Variants in UBR4 observed in about 807,000 individuals in gnomAD.
UBR4 encodes the protein E3 ubiquitin-protein ligase UBR4.
A neutral mutation model predicts 575.6 loss-of-function variants in UBR4; 124 were observed. The observed-to-expected ratio is 0.22, with a 90% CI of 0.19 to 0.25. The LOEUF is 0.25. Among genes scored for constraint, UBR4 ranks in the 10% least tolerant of loss-of-function variants. The pLI is 1.00. For synonymous variants in UBR4, 2,455 were observed against 2,473.7 expected, an observed-to-expected ratio of 0.99 and a Z score of 0.22; for missense variants, 4,818 against 6,478.8, an observed-to-expected ratio of 0.74 and a Z score of 8.80.
chr1:19,118,726 C>T (rs2080860293), intron 71 of UBR4, 146 bp downstream of exon 71: 4 of 738,614 alleles, frequency 5.4e-6, no homozygotes, highest in Non-Finnish European at 6.8e-6. Flanking sequence ...CCCTGGCCTA[C>T]ATGGAGGGGA....
intron 84 of UBR4, 88 bp from the exon 85 acceptor site, chr1:19,105,277 C>T (rs2079060661): frequency 1.0e-5 from 15 of 1,449,642 alleles, no homozygotes; most frequent in Non-Finnish European, 1.4e-5. Flanking sequence ...CCAATCTTTC[C>T]TATCTTCTGC....
chr1:19,078,157 C>G (rs1570096924), intron 103 of UBR4, 91 bp from the exon 104 acceptor site: 34 of 1,346,790 alleles, frequency 2.5e-5, no homozygotes, highest in Non-Finnish European at 3.5e-5. Context: ...AGGGAAGAGT[C>G]ACAGTGGTGT....
Position 19,141,378 on chromosome 1 carries a change from G to C in UBR4, c.8457C>G (p.Ala2819=), listed in dbSNP as rs151142373. The change falls in exon 57 of 106, where the codon GCC becomes GCG. Residue 2819 remains alanine, a synonymous_variant. Coordinates refer to ENST00000375254, the MANE Select transcript of UBR4 (RefSeq NM_020765.3). ...DADDETMVEL[A]IALSLQQDQQ... is the part of the protein sequence containing the mutation. ...GGTCCTGCTGCAGGCTCAGGGCAAT[G>C]GCTAGTTCAACCATGGTCTCGTCAT... 10 of 1,614,236 alleles carry C rather than the reference G, an allele frequency of 6.2e-6. No homozygotes were observed. The highest frequency in any genetic ancestry group is 8.5e-6 in the Non-Finnish European group (10 of 1,180,052).
Position 19,126,746 on chromosome 1 carries a change from A to C in UBR4, c.9229-91T>G. On this transcript the variant is annotated intron_variant, in intron 63 of 105. Transcript: ENST00000375254. ...GGTGTTGGGGATGGGAAACACACTC[A>C]CAACAGTCTTAGCTTTTATGGCAGT... is the stretch of plus-strand genomic sequence containing the variant. The C allele has an allele frequency of 6.0e-6, 8 of 1,335,476 alleles. No homozygotes were observed. In the East Asian group the frequency reaches 1.9e-4, roughly 31 times the overall value. 82.7% of individuals were successfully genotyped at this position (1,335,476 alleles called of 1,614,324 possible). A position where few individuals can be genotyped will look rare whatever the true frequency, so the allele number is the denominator to read the frequency against.
rs1191686996 is a variant in UBR4 at position 19,089,019 on chromosome 1, T to C, written c.14212-42A>G. On this transcript the variant is annotated intron_variant, in intron 97 of 105. Transcript: ENST00000375254. This position sits in a 1 kb window ranked among gnomAD's most constrained non-coding sequence, Gnocchi z 4.3. Reference sequence around the variant, plus strand: ...AGAGAGACACATGCCTCCAATTATGTAGACAAACCTTCTTCCCGGGAGCTT... The same window carrying C: ...AGAGAGACACATGCCTCCAATTATGCAGACAAACCTTCTTCCCGGGAGCTT... 1.3e-6 allele frequency: 2 copies of C among 1,593,562 alleles called. No homozygotes were observed. The highest frequency in any genetic ancestry group is 8.6e-7 in the Non-Finnish European group (1 of 1,164,522).
chr1:19,197,543 T>C, intron 7 of UBR4, 127 bp downstream of exon 7: 1 of 1,353,746 alleles, frequency 7.4e-7, no homozygotes, highest in Non-Finnish European at 1.0e-6. Context: ...GTGGGAGAAC[T>C]GCTTGAACCA....
At chr1:19,198,967 CA>C in intron 3 of UBR4, 39 bp from the exon 4 acceptor site, 1 of 1,599,484 alleles carries the variant, frequency 6.3e-7, no homozygotes, top group Non-Finnish European at 8.5e-7. Context: ...AAAACAAAAA[CA>C]AATAGATCTT....
chr1:19,151,710 T>C lies in UBR4; in HGVS notation c.7146A>G (p.Ser2382=), dbSNP rs2085743248. The change falls in exon 48 of 106, where the codon TCA becomes TCG. Residue 2382 remains serine (S), a synonymous_variant. Coordinates refer to ENST00000375254, the MANE Select transcript of UBR4 (RefSeq NM_020765.3). ...GRTMQLNLSR[S]RWFDFPFTRE... is the part of the protein sequence containing the mutation. ...TGGTGAAGGGGAAGTCAAACCAGCG[T>C]GAGCGACTCAGGTTGAGCTGCATAG... 2.5e-6 allele frequency: 4 copies of C among 1,614,082 alleles called. No homozygotes were observed. In the African/African-American group the frequency reaches 4.0e-5, roughly 16 times the overall value.
Position 19,076,778 on chromosome 1 carries a change from A to G in UBR4, c.15449T>C (p.Met5150Thr). 1 of 1,614,148 alleles carries G rather than the reference A, an allele frequency of 6.2e-7. No homozygotes were observed. The highest frequency in any genetic ancestry group is 1.1e-5 in the South Asian group (1 of 91,084). ...KALKTFQEEF[M>T]PVETFSEFLD... ...GAACTCTGAGAAGGTCTCCACTGGC[A>G]TGAACTCCTCCTGGAAGGTTTTCAG... is the stretch of plus-strand genomic sequence containing the variant. The change falls in exon 105 of 106, where the codon ATG becomes ACG. Residue 5150 changes from methionine (M) to threonine (T), a missense_variant. Transcript: ENST00000375254.
rs1409280751 is a variant in UBR4 at position 19,152,813 on chromosome 1, C to T, written c.6833-337G>A. ...GAATAAACCATTCTTTCAAAATAGA[C>T]TGTAGAGCAAATTTAAGGTAATGTG... On this transcript the variant is annotated intron_variant, in intron 46 of 105. Transcript: ENST00000375254. The surrounding 1 kb of genome is among the most constrained non-coding windows in gnomAD (Gnocchi z 4.4). Among the ~76,000 whole-genome samples the T allele has an allele frequency of 6.6e-6, 1 of 152,172 alleles. No homozygotes were observed. Among genetic ancestry groups the T allele is most frequent in the African/African-American group, 2.4e-5 (1 of 41,438 alleles).
intron 74 of UBR4, 62 bp from the exon 75 acceptor site, chr1:19,115,011 T>C (rs1336592162): frequency 6.2e-7 from 1 of 1,604,354 alleles, no homozygotes; most frequent in African/African-American, 1.3e-5. Flanking sequence ...GGGGTCACTC[T>C]GAGGAAATGG....
At chr1:19,200,399 A>C (rs1241026157) in intron 2 of UBR4, among the ~76,000 whole-genome samples, 1 of 152,130 alleles carries the variant, frequency 6.6e-6, no homozygotes. Context: ...AGACAATACT[A>C]CTATTGTAGT....
chr1:19,087,748 G>T lies in UBR4; in HGVS notation c.14544+68C>A, dbSNP rs1160175514. The T allele has an allele frequency of 7.7e-6, 10 of 1,305,728 alleles. No homozygotes were observed. In the Admixed American group the frequency reaches 1.4e-4, roughly 18 times the overall value. The allele number at this position is 1,305,728 out of a possible 1,614,324, so 80.9% of individuals were successfully genotyped here. A position where few individuals can be genotyped will look rare whatever the true frequency, so the allele number is the denominator to read the frequency against. The stretch of plus-strand genomic sequence containing the variant: ...CTAAGAACAAAATGGCCTGGAGGAG[G>T]GGGATGCTACCTAGAACAAGGGGTC... On this transcript the variant is annotated intron_variant, in intron 99 of 105. Transcript: ENST00000375254.
At position 19,105,134 on chromosome 1, in the gene UBR4, A is replaced by G; in HGVS notation, c.12559T>C (p.Tyr4187His). 1 of 1,614,136 alleles carries G rather than the reference A, an allele frequency of 6.2e-7. No individual in the cohort carries two copies. The highest frequency in any genetic ancestry group is 8.5e-7 in the Non-Finnish European group (1 of 1,180,006). The change falls in exon 85 of 106, where the codon TAC becomes CAC. Residue 4187 changes from tyrosine to histidine, a missense_variant. By Grantham distance (83) the Tyr-to-His change is moderately conservative (BLOSUM62 2). Coordinates refer to ENST00000375254, the MANE Select transcript of UBR4 (RefSeq NM_020765.3). ...GECAAEYLAL[Y>H]QKLITSAHWK... ...TGCGCAGAAGTGATGAGCTTCTGGTAGAGAGCCAGGTACTCAGCTGCACAC... is the reference window on the plus strand; with the variant it reads ...TGCGCAGAAGTGATGAGCTTCTGGTGGAGAGCCAGGTACTCAGCTGCACAC...
intron 48 of UBR4, chr1:19,151,003 C>T (rs747404474): frequency 2.3e-5 from 14 of 595,988 alleles, no homozygotes; most frequent in Admixed American, 6.0e-5. Flanking sequence ...AAGCCGATTA[C>T]GTCTCCTACT....
chr1:19,165,269 A>T lies in UBR4; in HGVS notation c.4292T>A (p.Phe1431Tyr). The T allele has an allele frequency of 6.2e-7, 1 of 1,614,208 alleles. No homozygotes were observed. The highest frequency in any genetic ancestry group is 1.1e-5 in the South Asian group (1 of 91,090). ...CTCACTCAGCTGGAAGAGTTTGGTGAAGAATTTCAAAACTCGGTTACAGAA... is the reference window on the plus strand; with the variant it reads ...CTCACTCAGCTGGAAGAGTTTGGTGTAGAATTTCAAAACTCGGTTACAGAA... The part of the protein sequence containing the change: ...AKFCNRVLKF[F>Y]TKLFQLTEKS... The change falls in exon 31 of 106, where the codon TTC becomes TAC. Residue 1431 changes from phenylalanine (F) to tyrosine (Y), a missense_variant. Physicochemically the swap from Phe to Tyr is conservative, Grantham distance 22 (BLOSUM62 3). Coordinates refer to ENST00000375254, the MANE Select transcript of UBR4 (RefSeq NM_020765.3).
At position 19,112,585 on chromosome 1, in the gene UBR4, G is replaced by A; in HGVS notation, c.11740C>T (p.Leu3914Phe). ...CGCATGGCCGCAGCCCCTCGGCGAAGATTATAATCAAAGAGCTCCCGGATA... is the reference window on the plus strand; with the variant it reads ...CGCATGGCCGCAGCCCCTCGGCGAAAATTATAATCAAAGAGCTCCCGGATA... ...GLIRELFDYN[L>F]RRGAAAMREE... Residue 3914 changes from leucine to phenylalanine, a missense_variant, in exon 78 of 106, where the codon CTT becomes TTT. Coordinates refer to ENST00000375254, the MANE Select transcript of UBR4 (RefSeq NM_020765.3). 1.2e-6 allele frequency: 2 copies of A among 1,614,246 alleles called. No individual in the cohort carries two copies. Among genetic ancestry groups the A allele is most frequent in the Non-Finnish European group, 1.7e-6 (2 of 1,180,044 alleles).
intron 60 of UBR4, among the ~76,000 whole-genome samples, chr1:19,131,185 A>G (rs894470373): frequency 6.7e-6 from 1 of 148,798 alleles, no homozygotes; most frequent in Non-Finnish European, 1.5e-5. Context: ...CTGGGATTAC[A>G]GGTTTAAGTC....
intron 15 of UBR4, among the ~76,000 whole-genome samples, chr1:19,184,860 A>T (rs1334160007): frequency 1.3e-5 from 2 of 152,208 alleles, no homozygotes; most frequent in African/African-American, 4.8e-5. Flanking sequence ...GCTAGAAAAA[A>T]TTCAGATTCT....
Sources: allele counts gnomAD v4.1 joint callset (sites outside exome capture counted in the v4.1 genomes callset), GRCh38; gene constraint gnomAD v4.1.1; non-coding constraint Gnocchi (gnomAD v3.1); transcripts MANE v1.5; gene names NCBI Gene and HGNC (gene_info 2026-07-23, HGNC 2026-07-21).